The following C16orf96 variants were observed in gnomAD, a reference collection of about 807,000 sequenced individuals.
C16orf96 encodes uncharacterized protein C16orf96.
In C16orf96, 108 loss-of-function variants were observed where a neutral mutation model predicts 103.6. The observed-to-expected ratio is 1.04, with a 90% confidence interval of 0.89 to 1.22. The LOEUF (loss-of-function observed/expected upper bound fraction) is 1.22, where lower values mean the gene tolerates loss of function less well. C16orf96 is among the 50% of genes most tolerant of loss of function. The pLI is 0.00. For synonymous variants in C16orf96, 566 were observed against 593.5 expected, an observed-to-expected ratio of 0.95 and a Z score of 0.67; for missense variants, 1,586 against 1,464.2, an observed-to-expected ratio of 1.08 and a Z score of -1.36.
Position 4,556,651 on chromosome 16 carries a change from G to A in C16orf96, c.162G>A (p.Gln54=), listed in dbSNP as rs765294228. The stretch of plus-strand genomic sequence containing the variant: ...TCTCAGGCGATGAGGACTTCCTGCA[G>A]ACCTCGCAGGTGGTCATCATGCCCA... ...KVLSGDEDFL[Q]TSQVVIMPRE... is the part of the protein sequence containing the mutation. Residue 54 remains glutamine (Q), a synonymous_variant, in exon 1 of 16, where the codon CAG becomes CAA. Transcript: ENST00000444310. The A allele has an allele frequency of 2.6e-6, 4 of 1,551,530 alleles. No individual in the cohort carries two copies. The highest frequency in any genetic ancestry group is 1.4e-5 in the African/African-American group (1 of 73,060).
chr16:4,573,223 A>C (rs1347138387), intron 2 of C16orf96, among the ~76,000 whole-genome samples: 3 of 152,056 alleles, frequency 2.0e-5, no homozygotes, highest in Middle Eastern at 3.2e-3. Flanking sequence ...GGATCACCTG[A>C]GGTCAGGAGT....
intron 1 of C16orf96, among the ~76,000 whole-genome samples, chr16:4,567,796 C>G (rs1220703499): frequency 7.5e-6 from 1 of 133,224 alleles, no homozygotes; most frequent in African/African-American, 2.7e-5. Context: ...CTCCTGGGTT[C>G]AAGCAGTTCT....
At chr16:4,571,454 G>A in intron 1 of C16orf96, 107 bp from the exon 2 acceptor site, 1 of 914,654 alleles carries the variant, frequency 1.1e-6, no homozygotes, top group Non-Finnish European at 1.7e-6. Flanking sequence ...CCTTGGGAGA[G>A]CCAAGAGGAC....
At chr16:4,594,285 G>C in intron 12 of C16orf96, 66 bp from the exon 13 acceptor site, 1 of 1,507,962 alleles carries the variant, frequency 6.6e-7, no homozygotes, top group Non-Finnish European at 8.9e-7. Flanking sequence ...CCAGGCCCTT[G>C]GGGCCCGTCC....
At position 4,571,085 on chromosome 16, in the gene C16orf96, T is replaced by C. The variant is rs543761717; in HGVS notation, c.421-476T>C. Among the ~76,000 whole-genome samples, 4 of 152,094 alleles carry C rather than the reference T, an allele frequency of 2.6e-5. No individual in the cohort carries two copies. In the East Asian group the frequency reaches 7.7e-4, roughly 29 times the overall value. ...CCTGCGGTCTCAGCTACTTGGGAGG[T>C]TGAGGCAGGAGAATCACTTGAGCCC... On this transcript the variant is annotated intron_variant, in intron 1 of 15. Coordinates refer to ENST00000444310, the MANE Select transcript of C16orf96 (RefSeq NM_001145011.2).
chr16:4,575,094 T>C (rs558164554), intron 4 of C16orf96, 36 bp downstream of exon 4: 248 of 1,550,530 alleles, frequency 1.6e-4, no homozygotes, highest in Admixed American at 3.1e-4. Context: ...AGCAGGAAGC[T>C]GGGGAGCAGG....
At chr16:4,540,517 G>C in the C16orf96 span, among the ~76,000 whole-genome samples, 8 of 152,056 alleles carry the variant, frequency 5.3e-5, no homozygotes, top group African/African-American at 1.9e-4. Context: ...CAGATCACTT[G>C]AGGTCAGGAG....
Position 4,571,653 on chromosome 16 carries a change from C to T in C16orf96, c.513C>T (p.Asn171=), listed in dbSNP as rs779657343. The change falls in exon 2 of 16, where the codon AAC becomes AAT. Residue 171 remains asparagine (N), a synonymous_variant. Transcript: ENST00000444310. ...ALRKEVDMLK[N]MLDKVHPERM... ...GAAAAGAAGTGGACATGCTGAAGAA[C>T]ATGCTTGACAAGGTAGGCCCTCCCC... 17 of 1,551,802 alleles carry T rather than the reference C, an allele frequency of 1.1e-5. No homozygotes were observed. In the South Asian group the frequency reaches 1.7e-4, roughly 15 times the overall value.
chr16:4,555,506 G>A (rs11865199), upstream of C16orf96, among the ~76,000 whole-genome samples: 12,038 of 151,534 alleles, frequency 0.079, 831 homozygotes, highest in African/African-American at 0.18. Flanking sequence ...CAGAGTAGCT[G>A]GGATTACAGG....
the C16orf96 span, among the ~76,000 whole-genome samples, chr16:4,539,452 C>T: frequency 2.6e-5 from 4 of 152,194 alleles, no homozygotes; most frequent in South Asian, 2.1e-4. Context: ...GGAAGGCTGA[C>T]GCAGGTGGAT....
intron 2 of C16orf96, among the ~76,000 whole-genome samples, chr16:4,573,671 G>C (rs1211122825): frequency 6.8e-6 from 1 of 147,532 alleles, no homozygotes; most frequent in African/African-American, 2.5e-5. Flanking sequence ...AGAATGGTGT[G>C]AACCTGGGAA....
chr16:4,591,900 T>A (rs958894692), intron 10 of C16orf96, 116 bp downstream of exon 10: 3 of 845,928 alleles, frequency 3.5e-6, no homozygotes, highest in African/African-American at 3.4e-5. Context: ...GGATGGGGGC[T>A]TGGCTGTGGC....
chr16:4,550,708 C>T, the C16orf96 span, among the ~76,000 whole-genome samples: 1 of 152,230 alleles, frequency 6.6e-6, no homozygotes, highest in African/African-American at 2.4e-5. Flanking sequence ...AACGCATGCC[C>T]AGCAGACCCC....
At chr16:4,590,576 A>ATAAATAAT (rs2141755155) in intron 9 of C16orf96, among the ~76,000 whole-genome samples, 1 of 147,750 alleles carries the variant, frequency 6.8e-6, no homozygotes, top group South Asian at 2.2e-4. Context: ...AAATAAATAA[A>ATAAATAAT]TAAATAAAAT....
intron 14 of C16orf96, among the ~76,000 whole-genome samples, chr16:4,596,484 C>A (rs1384971121): frequency 8.6e-3 from 1,017 of 118,236 alleles, no homozygotes; most frequent in Non-Finnish European, 8.8e-3. Context: ...GACTTCGTCT[C>A]AAAAAAAAAA....
chr16:4,579,548 T>G (rs2059556596), intron 6 of C16orf96, among the ~76,000 whole-genome samples: 1 of 57,816 alleles, frequency 1.7e-5, no homozygotes, highest in South Asian at 1.1e-3. Context: ...AGCAAGGCCC[T>G]GTCTCAAAAA....
At chr16:4,598,372 G>T (rs151053709) in intron 14 of C16orf96, among the ~76,000 whole-genome samples, 21 of 25,328 alleles carry the variant, frequency 8.3e-4, no homozygotes, top group African/African-American at 1.0e-3. Flanking sequence ...AAAGAAAAAA[G>T]AAAAGAAATG....
chr16:4,540,659 A>C, the C16orf96 span, among the ~76,000 whole-genome samples: 1 of 151,326 alleles, frequency 6.6e-6, no homozygotes, highest in Non-Finnish European at 1.5e-5. Flanking sequence ...CCTAGGAGGC[A>C]GAGGTTGCAG....
chr16:4,591,293 A>G (rs1371121267), intron 9 of C16orf96, among the ~76,000 whole-genome samples: 2 of 152,218 alleles, frequency 1.3e-5, no homozygotes, highest in Admixed American at 6.5e-5. Context: ...CACTTTACAT[A>G]CAGACCGTCA....
Sources: allele counts gnomAD v4.1 joint callset (sites outside exome capture counted in the v4.1 genomes callset), GRCh38; gene constraint gnomAD v4.1.1; transcripts MANE v1.5; gene names NCBI Gene and HGNC (gene_info 2026-07-23, HGNC 2026-07-21).